SLC25A17: variants seen among roughly 807,000 people sequenced by gnomAD.
SLC25A17 encodes the protein peroxisomal membrane protein PMP34.
SLC25A17 carries 26 observed loss-of-function variants against 38.5 expected under a neutral mutation model. The observed-to-expected ratio is 0.68, with a 90% CI of 0.50 to 0.94. SLC25A17 has a LOEUF of 0.94. SLC25A17 is among the 40% of genes least tolerant of loss of function. SLC25A17 has a pLI of 0.00. For synonymous variants in SLC25A17, 139 were observed against 136.2 expected (o/e 1.02, Z -0.14); for missense variants, 333 against 372.7 (o/e 0.89, Z 0.88).
chr22:40,774,157 C>T, intron 7 of SLC25A17, 138 bp from the exon 8 acceptor site: 1 of 514,000 alleles, frequency 1.9e-6, no homozygotes. Flanking sequence ...CCATAGATTT[C>T]ATTAATCCTG....
At chr22:40,797,337 CTG>C (rs1424621903) in intron 2 of SLC25A17, 14 of 1,299,918 alleles carry the variant, frequency 1.1e-5, no homozygotes, top group Non-Finnish European at 1.4e-5. Context: ...TTGAACAAAT[CTG>C]AGGAAAAAAC....
At chr22:40,780,982 C>T (rs2057288303) in intron 4 of SLC25A17, among the ~76,000 whole-genome samples, 1 of 151,712 alleles carries the variant, frequency 6.6e-6, no homozygotes, top group African/African-American at 2.4e-5. Flanking sequence ...GCAGCCTGGG[C>T]AAAAGAGGGA....
In SLC25A17 at chr22:40,769,842, G is replaced by GT. The variant is rs1192705716; in HGVS notation, c.*991dup. 6.6e-6 allele frequency: 1 copy of GT among 152,190 alleles called. No homozygotes were observed. Among genetic ancestry groups the GT allele is most frequent in the Non-Finnish European group, 1.5e-5 (1 of 68,036 alleles). 9.4% of individuals were successfully genotyped at this position (152,190 alleles called of 1,614,324 possible). A position where few individuals can be genotyped will look rare whatever the true frequency, so the allele number is the denominator to read the frequency against. On this transcript the variant is annotated 3_prime_UTR_variant, in exon 9 of 9. Transcript: ENST00000435456. ...TGCGTGCCCAGCAAGCTCTCAGCTT[G>GT]TGGCAGTACTACCGTCTGATGGACC...
intron 1 of SLC25A17, among the ~76,000 whole-genome samples, chr22:40,805,275 C>T (rs1472956272): frequency 1.3e-5 from 2 of 152,192 alleles, no homozygotes; most frequent in African/African-American, 2.4e-5. Flanking sequence ...GCAGGAGAAT[C>T]GCTTGAACCA....
intron 1 of SLC25A17, among the ~76,000 whole-genome samples, chr22:40,818,915 T>C (rs559809684): frequency 2.0e-5 from 3 of 151,778 alleles, no homozygotes; most frequent in South Asian, 2.1e-4. Flanking sequence ...GACCTTAAAC[T>C]TCCCACGGCA....
chr22:40,788,151 A>T (rs1463434745), intron 4 of SLC25A17, among the ~76,000 whole-genome samples: 1 of 152,256 alleles, frequency 6.6e-6, no homozygotes, highest in Non-Finnish European at 1.5e-5. Flanking sequence ...TTCACTTTTC[A>T]TCACAAACTA....
chr22:40,816,088 C>G (rs977960717), intron 1 of SLC25A17, among the ~76,000 whole-genome samples: 1 of 151,962 alleles, frequency 6.6e-6, no homozygotes, highest in Non-Finnish European at 1.5e-5. Flanking sequence ...CGGCGAGAGG[C>G]TGAGGCAGGA....
intron 4 of SLC25A17, among the ~76,000 whole-genome samples, chr22:40,781,845 C>T (rs2057297407): frequency 6.6e-6 from 1 of 152,032 alleles, no homozygotes; most frequent in Admixed American, 6.6e-5. Context: ...TGCCACAAAC[C>T]ATTCGTGAGT....
intron 5 of SLC25A17, 135 bp from the exon 6 acceptor site, chr22:40,777,508 T>G (rs936759567): frequency 1.8e-5 from 19 of 1,041,498 alleles, no homozygotes; most frequent in Non-Finnish European, 2.5e-5. Flanking sequence ...TTGCAGCCGG[T>G]TGCAATGGCT....
At chr22:40,816,796 A>T (rs2057645292) in intron 1 of SLC25A17, among the ~76,000 whole-genome samples, 1 of 152,010 alleles carries the variant, frequency 6.6e-6, no homozygotes. Flanking sequence ...TTTTTAGTAG[A>T]GACGGGGTTT....
intron 2 of SLC25A17, among the ~76,000 whole-genome samples, chr22:40,796,850 G>T (rs998096751): frequency 6.6e-6 from 1 of 152,132 alleles, no homozygotes; most frequent in African/African-American, 2.4e-5. Flanking sequence ...TCACACCATG[G>T]AATGGAACAC....
intron 1 of SLC25A17, among the ~76,000 whole-genome samples, chr22:40,809,403 C>A (rs186672974): frequency 8.6e-5 from 13 of 151,636 alleles, no homozygotes; most frequent in Admixed American, 8.5e-4. Context: ...TTGCTTGAGC[C>A]CAGGAGTTCG....
At chr22:40,797,602 A>G (rs2145683425) in intron 2 of SLC25A17, among the ~76,000 whole-genome samples, 1 of 152,342 alleles carries the variant, frequency 6.6e-6, no homozygotes, top group East Asian at 1.9e-4. Flanking sequence ...AGATTAGAAA[A>G]TGGCTAAGGC....
chr22:40,775,754 C>T (rs376092822), intron 7 of SLC25A17, among the ~76,000 whole-genome samples: 40 of 152,270 alleles, frequency 2.6e-4, no homozygotes, highest in Middle Eastern at 6.8e-3. Flanking sequence ...TGAGCCACCG[C>T]GCCCAACCGA....
intron 2 of SLC25A17, among the ~76,000 whole-genome samples, chr22:40,794,807 C>T (rs1318367919): frequency 3.3e-5 from 5 of 151,846 alleles, no homozygotes; most frequent in Non-Finnish European, 4.4e-5. Flanking sequence ...TTAGTAGAGG[C>T]GGGGTTTCGC....
intron 2 of SLC25A17, among the ~76,000 whole-genome samples, chr22:40,795,316 G>A (rs1225262061): frequency 2.0e-5 from 3 of 150,084 alleles, no homozygotes; most frequent in Non-Finnish European, 3.0e-5. Flanking sequence ...TTTTTGAGAC[G>A]GAGTCTCGCT....
Position 40,819,244 on chromosome 22 carries a change from G to A in SLC25A17, c.5C>T (p.Ala2Val). 1 of 1,613,886 alleles carries A rather than the reference G, an allele frequency of 6.2e-7. No homozygotes were observed. The highest frequency in any genetic ancestry group is 2.2e-5 in the East Asian group (1 of 44,890). The change falls in exon 1 of 9, where the codon GCT (alanine) becomes GTT (valine). Residue 2 changes from alanine to valine, a missense_variant. By Grantham distance (64) the Ala-to-Val change is moderately conservative. Coordinates refer to ENST00000435456, the MANE Select transcript of SLC25A17 (RefSeq NM_006358.4). MASVLSYESLVH... is the reference protein window; with the variant it reads MVSVLSYESLVH... ...CAGGCTTTCGTAGGACAGCACGGAA[G>A]CCATTGGTGCGGCTCCTCGAAGACC...
At chr22:40,776,416 C>T in intron 7 of SLC25A17, 1 of 366,322 alleles carries the variant, frequency 2.7e-6, no homozygotes. Flanking sequence ...AAAGGATAAT[C>T]CCTGCTGGGG....
At chr22:40,774,074 AT>A in intron 7 of SLC25A17, 55 bp from the exon 8 acceptor site, 1 of 1,057,854 alleles carries the variant, frequency 9.5e-7, no homozygotes, top group Non-Finnish European at 1.5e-6. Context: ...TAAAATCTTC[AT>A]TTTTACCTGG....
Sources: gnomAD v4.1 joint callset for allele counts (sites outside exome capture counted in the v4.1 genomes callset) on GRCh38, gnomAD v4.1.1 for gene constraint, MANE v1.5 for transcripts, NCBI Gene and HGNC (gene_info 2026-07-23, HGNC 2026-07-21) for gene names.